The following STXBP5L variants were observed in gnomAD, a reference collection of about 807,000 sequenced individuals.
STXBP5L encodes the protein syntaxin-binding protein 5-like.
A neutral mutation model predicts 144.5 loss-of-function variants in STXBP5L; 65 were observed. The ratio of observed to expected loss-of-function variants is 0.45; its 90% CI spans 0.37 to 0.55. The LOEUF (loss-of-function observed/expected upper bound fraction) is 0.55, where lower values mean the gene tolerates loss of function less well. Ranked by LOEUF, STXBP5L falls within the 20% of genes least tolerant of loss-of-function variation. The pLI, the probability that STXBP5L is intolerant of heterozygous loss-of-function variation, is 0.00. For missense variants in STXBP5L, 1,298 were observed against 1,405.5 expected (o/e 0.92, Z 1.22); for synonymous variants, 505 against 469.6 (o/e 1.08, Z -0.97).
At chr3:121,358,347 T>C (rs989719259) in intron 20 of STXBP5L, among the ~76,000 whole-genome samples, 7 of 152,134 alleles carry the variant, frequency 4.6e-5, no homozygotes, top group Non-Finnish European at 1.0e-4. Flanking sequence ...GGGTAATTTA[T>C]AGATAAAATA....
chr3:121,041,655 T>C, intron 3 of STXBP5L, 45 bp from the exon 4 acceptor site: 1 of 1,366,892 alleles, frequency 7.3e-7, no homozygotes, highest in Middle Eastern at 1.8e-4. Flanking sequence ...TCATTAATAT[T>C]GGTGCTAATT....
At chr3:121,075,941 G>T (rs761821710) in intron 5 of STXBP5L, among the ~76,000 whole-genome samples, 1 of 152,220 alleles carries the variant, frequency 6.6e-6, no homozygotes, top group Non-Finnish European at 1.5e-5. Flanking sequence ...AATGACAGAA[G>T]AAGTTGTTTG....
At position 121,257,281 on chromosome 3, in the gene STXBP5L, A is replaced by G. The variant is rs796125981; in HGVS notation, c.1780A>G (p.Thr594Ala). The G allele has an allele frequency of 9.3e-6, 15 of 1,613,706 alleles. No homozygotes were observed. In the African/African-American group the frequency reaches 1.1e-4, roughly 11 times the overall value. Residue 594 changes from threonine (T) to alanine (A), a missense_variant, in exon 17 of 27, where the codon ACT becomes GCT. Coordinates refer to ENST00000471454, the MANE Select transcript of STXBP5L (RefSeq NM_001308330.2). Reference sequence around the variant, plus strand: ...TTCTTCAAGGAGTCTTTCTGGGAGCACTAACACTGTTGCTAGTGAAGGAGT... The same window carrying G: ...TTCTTCAAGGAGTCTTTCTGGGAGCGCTAACACTGTTGCTAGTGAAGGAGT... The part of the protein sequence containing the change: ...LPSSRSLSGS[T>A]NTVASEGVTK...
chr3:121,231,587 C>T (rs576539693), intron 11 of STXBP5L, among the ~76,000 whole-genome samples: 2 of 151,718 alleles, frequency 1.3e-5, no homozygotes, highest in African/African-American at 2.4e-5. Context: ...ATTAACATTC[C>T]CCATTTTGCT....
intron 22 of STXBP5L, among the ~76,000 whole-genome samples, chr3:121,399,385 T>C (rs1031001295): frequency 6.6e-6 from 1 of 152,126 alleles, no homozygotes; most frequent in Non-Finnish European, 1.5e-5. Context: ...ACCAGCTCGG[T>C]TGGGGAGACC....
chr3:121,030,220 C>T (rs993648782), intron 3 of STXBP5L, among the ~76,000 whole-genome samples: 11 of 152,146 alleles, frequency 7.2e-5, no homozygotes, highest in Admixed American at 6.6e-5. Flanking sequence ...TATAAAGACA[C>T]ATGCACACAT....
intron 20 of STXBP5L, among the ~76,000 whole-genome samples, chr3:121,349,080 C>T (rs2045147598): frequency 6.6e-6 from 1 of 152,002 alleles, no homozygotes; most frequent in Admixed American, 6.5e-5. Flanking sequence ...TTCCTGCTTT[C>T]TCTTGTGGGC....
At chr3:121,189,832 A>G (rs1024413584) in intron 9 of STXBP5L, among the ~76,000 whole-genome samples, 1 of 152,176 alleles carries the variant, frequency 6.6e-6, no homozygotes, top group African/African-American at 2.4e-5. Flanking sequence ...TGTGAATAAA[A>G]TGACCAACTT....
At chr3:121,052,101 C>T (rs1257117562) in intron 5 of STXBP5L, among the ~76,000 whole-genome samples, 1 of 152,078 alleles carries the variant, frequency 6.6e-6, no homozygotes, top group African/African-American at 2.4e-5. Context: ...AGCTTACCAA[C>T]CAAAAACAGT....
At chr3:121,201,214 T>G (rs1330718562) in intron 9 of STXBP5L, among the ~76,000 whole-genome samples, 1 of 152,198 alleles carries the variant, frequency 6.6e-6, no homozygotes, top group Non-Finnish European at 1.5e-5. Flanking sequence ...TGGGAGCATA[T>G]ATGTTTAGGA....
At chr3:121,091,130 A>G (rs1245645724) in intron 5 of STXBP5L, among the ~76,000 whole-genome samples, 1 of 148,924 alleles carries the variant, frequency 6.7e-6, no homozygotes, top group Non-Finnish European at 1.5e-5. Flanking sequence ...ATGGCTGCAT[A>G]GTATTCCATG....
chr3:121,383,730 A>G (rs1365472858), intron 22 of STXBP5L, among the ~76,000 whole-genome samples: 1 of 152,106 alleles, frequency 6.6e-6, no homozygotes, highest in African/African-American at 2.4e-5. Flanking sequence ...TTTAAAGTAG[A>G]AAATTTTGTG....
chr3:120,947,157 C>T (rs1036096038), intron 2 of STXBP5L, among the ~76,000 whole-genome samples: 1 of 151,766 alleles, frequency 6.6e-6, no homozygotes, highest in Non-Finnish European at 1.5e-5. Flanking sequence ...AAGAAATTCA[C>T]TTATTTTTTA....
intron 5 of STXBP5L, among the ~76,000 whole-genome samples, chr3:121,068,731 C>T (rs1187953498): frequency 6.6e-6 from 1 of 151,900 alleles, no homozygotes; most frequent in African/African-American, 2.4e-5. Flanking sequence ...TGTTTATATT[C>T]ATATATATTT....
At chr3:121,053,663 A>C (rs1329439517) in intron 5 of STXBP5L, among the ~76,000 whole-genome samples, 2 of 152,230 alleles carry the variant, frequency 1.3e-5, no homozygotes, top group Non-Finnish European at 2.9e-5. Context: ...AATACCATTC[A>C]GGACATAGGC....
intron 5 of STXBP5L, among the ~76,000 whole-genome samples, chr3:121,068,647 T>C (rs893143196): frequency 6.6e-6 from 1 of 151,956 alleles, no homozygotes; most frequent in Non-Finnish European, 1.5e-5. Context: ...TTTGGATTAT[T>C]TTTTTTGTAT....
intron 20 of STXBP5L, among the ~76,000 whole-genome samples, chr3:121,333,372 G>A (rs979589556): frequency 2.0e-5 from 3 of 152,026 alleles, no homozygotes; most frequent in Non-Finnish European, 2.9e-5. Context: ...ACACGGCTAA[G>A]TCAGTGTTAA....
At chr3:121,310,616 A>G (rs546811608) in intron 19 of STXBP5L, among the ~76,000 whole-genome samples, 1 of 151,122 alleles carries the variant, frequency 6.6e-6, no homozygotes, top group African/African-American at 2.4e-5. Context: ...CTCCGCCTCA[A>G]AAACAAAAGA....
At position 121,157,499 on chromosome 3, in the gene STXBP5L, A is replaced by G. The variant is rs139825296; in HGVS notation, c.754-5A>G. ...CTCTACTTGTTTTAATTGTTATTTT[A>G]TTAGGCTATTCATTCAATTGATTGG... On this transcript the variant is annotated splice_polypyrimidine_tract_variant and splice_region_variant and intron_variant, in intron 8 of 26. Transcript: ENST00000471454. The G allele has an allele frequency of 8.2e-5, 128 of 1,568,924 alleles. No individual in the cohort carries two copies. In the East Asian group the frequency reaches 2.7e-3, roughly 33 times the overall value.
Sources: gnomAD v4.1 joint callset for allele counts (sites outside exome capture counted in the v4.1 genomes callset) on GRCh38, gnomAD v4.1.1 for gene constraint, MANE v1.5 for transcripts, NCBI Gene and HGNC (gene_info 2026-07-23, HGNC 2026-07-21) for gene names.